UGT8: variants seen among roughly 807,000 people sequenced by gnomAD.
UGT8 encodes 2-hydroxyacylsphingosine 1-beta-galactosyltransferase.
A neutral mutation model predicts 40.5 loss-of-function variants in UGT8; 12 were observed. The observed-to-expected ratio is 0.30, with a 90% CI of 0.19 to 0.48. UGT8 has a LOEUF of 0.48. Among genes scored for constraint, UGT8 ranks in the 20% least tolerant of loss-of-function variants. UGT8 has a pLI of 0.99. For synonymous variants in UGT8, 224 were observed against 240.4 expected (o/e 0.93, Z 0.63); for missense variants, 513 against 648.7 (o/e 0.79, Z 2.27).
upstream of UGT8, chr4:114,598,515 T>A (rs1327228156): frequency 6.6e-6 from 1 of 152,236 alleles, no homozygotes; most frequent in Non-Finnish European, 1.5e-5. Context: ...TTGCCCAGCC[T>A]GCGAGCGCGT....
chr4:114,636,549 A>T (rs183296235), intron 2 of UGT8, among the ~76,000 whole-genome samples: 1 of 152,238 alleles, frequency 6.6e-6, no homozygotes, highest in South Asian at 2.1e-4. Context: ...AAAATGTTTT[A>T]ACTCACTAGA....
intron 5 of UGT8, among the ~76,000 whole-genome samples, chr4:114,669,205 G>A (rs1451229793): frequency 6.6e-6 from 1 of 152,110 alleles, no homozygotes; most frequent in East Asian, 1.9e-4. Context: ...CTGCCTTTAT[G>A]TGAGCTCAGG....
At chr4:114,601,257 TAATTTA>T (rs1730425337) in intron 1 of UGT8, among the ~76,000 whole-genome samples, 1 of 152,232 alleles carries the variant, frequency 6.6e-6, no homozygotes, top group Non-Finnish European at 1.5e-5. Context: ...CATTTCCCAA[TAATTTA>T]AATTAAAACA....
chr4:114,651,174 C>T (rs1009817787), intron 2 of UGT8, among the ~76,000 whole-genome samples: 6 of 151,908 alleles, frequency 3.9e-5, no homozygotes, highest in African/African-American at 9.7e-5. Context: ...GTTAACTTAG[C>T]GGGGAAAAAT....
At chr4:114,625,685 A>C (rs1045787103) in intron 2 of UGT8, among the ~76,000 whole-genome samples, 3 of 152,124 alleles carry the variant, frequency 2.0e-5, no homozygotes, top group Admixed American at 2.0e-4. Flanking sequence ...GATGCATAGC[A>C]TGTGATAATT....
At chr4:114,609,195 G>A (rs1266603355) in intron 1 of UGT8, among the ~76,000 whole-genome samples, 1 of 151,960 alleles carries the variant, frequency 6.6e-6, no homozygotes, top group African/African-American at 2.4e-5. Flanking sequence ...TGTGGAGATC[G>A]TGCCTATGAA....
Position 114,676,074 on chromosome 4 carries a change from A to C in UGT8, c.1412A>C (p.Gln471Pro). The C allele has an allele frequency of 6.2e-7, 1 of 1,614,206 alleles. No individual in the cohort carries two copies. The highest frequency in any genetic ancestry group is 2.2e-5 in the East Asian group (1 of 44,874). The part of the protein sequence containing the change: ...RAAVHQISFC[Q>P]YFLLDIAFVL... ...GCTGTCCATCAGATCTCCTTTTGTC[A>C]GTATTTTTTACTGGATATTGCCTTT... Residue 471 changes from glutamine to proline, a missense_variant, in exon 6 of 6, where the codon CAG becomes CCG. Physicochemically the swap from Gln to Pro is moderately conservative, Grantham distance 76. Coordinates refer to ENST00000310836, the MANE Select transcript of UGT8 (RefSeq NM_001128174.3).
chr4:114,620,114 TAAAC>T (rs1255553844), intron 1 of UGT8, among the ~76,000 whole-genome samples: 9 of 152,230 alleles, frequency 5.9e-5, no homozygotes, highest in South Asian at 4.2e-4. Flanking sequence ...AAGGAAGAAT[TAAAC>T]AAAAGCACAG....
chr4:114,629,109 C>T (rs911942044), intron 2 of UGT8, among the ~76,000 whole-genome samples: 1 of 152,038 alleles, frequency 6.6e-6, no homozygotes, highest in Admixed American at 6.6e-5. Context: ...TCCAGGGTTG[C>T]AGCAGATGTG....
At chr4:114,667,895 A>G in intron 4 of UGT8, 190 bp from the exon 5 acceptor site, 1 of 960,000 alleles carries the variant, frequency 1.0e-6, no homozygotes, top group Non-Finnish European at 1.2e-6. Context: ...TGATATATCA[A>G]AATCTGACAA....
chr4:114,603,583 G>A (rs1372824374), intron 1 of UGT8, among the ~76,000 whole-genome samples: 1 of 152,104 alleles, frequency 6.6e-6, no homozygotes, highest in Non-Finnish European at 1.5e-5. Context: ...TGAAAACTGA[G>A]AAAATTTCAG....
intron 1 of UGT8, among the ~76,000 whole-genome samples, chr4:114,615,867 C>T (rs1478774723): frequency 6.7e-6 from 1 of 148,400 alleles, no homozygotes; most frequent in African/African-American, 2.6e-5. Context: ...TGAAGTACTC[C>T]AGACCCTTTT....
chr4:114,666,362 C>T (rs1011938745), intron 4 of UGT8, among the ~76,000 whole-genome samples: 2 of 151,900 alleles, frequency 1.3e-5, no homozygotes, highest in Admixed American at 6.6e-5. Context: ...TTAGTATATG[C>T]GTATCTTTTA....
intron 2 of UGT8, among the ~76,000 whole-genome samples, chr4:114,655,266 A>G (rs1734112111): frequency 6.6e-6 from 1 of 151,968 alleles, no homozygotes; most frequent in African/African-American, 2.4e-5. Flanking sequence ...AAAACAGTTT[A>G]TTTGGGAATA....
chr4:114,664,066 G>A lies in UGT8; in HGVS notation c.894G>A (p.Lys298=). ...FVLVSFGAGV[K]YLSEDIANKL... Reference sequence around the variant, plus strand: ...TGGTGTCTTTTGGAGCTGGTGTCAAGTATCTGTCAGAAGACATTGCTAACA... The same window carrying A: ...TGGTGTCTTTTGGAGCTGGTGTCAAATATCTGTCAGAAGACATTGCTAACA... Residue 298 remains lysine (K), a synonymous_variant, in exon 3 of 6, where the codon AAG becomes AAA. Coordinates refer to ENST00000310836, the MANE Select transcript of UGT8 (RefSeq NM_001128174.3). 1 of 1,614,096 alleles carries A rather than the reference G, an allele frequency of 6.2e-7. No individual in the cohort carries two copies. Among genetic ancestry groups the A allele is most frequent in the Non-Finnish European group, 8.5e-7 (1 of 1,179,984 alleles).
At chr4:114,666,926 A>G (rs757270861) in intron 4 of UGT8, among the ~76,000 whole-genome samples, 1 of 152,020 alleles carries the variant, frequency 6.6e-6, no homozygotes, top group Non-Finnish European at 1.5e-5. Flanking sequence ...TTCTTCCGGG[A>G]TGAGAAGTAG....
At chr4:114,643,298 A>C (rs1733341841) in intron 2 of UGT8, among the ~76,000 whole-genome samples, 1 of 152,180 alleles carries the variant, frequency 6.6e-6, no homozygotes, top group Non-Finnish European at 1.5e-5. Flanking sequence ...AGGTTTGGAG[A>C]ATGATAGTGC....
Position 114,622,905 on chromosome 4 carries a change from A to G in UGT8, c.25A>G (p.Ile9Val). MKSYTPYF[I>V]LLWSAVGIAK... is the part of the protein sequence containing the mutation. ...TATGAAGTCTTACACTCCATATTTC[A>G]TTCTCCTGTGGAGTGCTGTTGGGAT... The change falls in exon 2 of 6, where the codon ATT (isoleucine) becomes GTT (valine). Residue 9 changes from isoleucine (I) to valine (V), a missense_variant. Ile to Val is a conservative substitution (Grantham distance 29). Around this residue, in one of 3 missense-constraint regions of UGT8, gnomAD observed 335 missense variants for 444.8 expected, o/e 0.75. Transcript: ENST00000310836. 6.2e-7 allele frequency: 1 copy of G among 1,613,350 alleles called. No individual in the cohort carries two copies. The highest frequency in any genetic ancestry group is 8.5e-7 in the Non-Finnish European group (1 of 1,179,668).
intron 2 of UGT8, among the ~76,000 whole-genome samples, chr4:114,650,875 A>G (rs775372498): frequency 3.9e-5 from 6 of 151,990 alleles, no homozygotes; most frequent in Non-Finnish European, 5.9e-5. Flanking sequence ...CAGATATGCA[A>G]GTTTTTTTCT....
Sources: gnomAD v4.1 joint callset for allele counts (sites outside exome capture counted in the v4.1 genomes callset) on GRCh38, gnomAD v4.1.1 for gene constraint, gnomAD v4.1.1 regional missense constraint, MANE v1.5 for transcripts, NCBI Gene and HGNC (gene_info 2026-07-23, HGNC 2026-07-21) for gene names.